The following VPS4B variants were observed in gnomAD, a reference collection of about 807,000 sequenced individuals.
VPS4B encodes the protein vacuolar protein sorting 4 homolog B, also known as vacuolar protein sorting-associated protein 4B.
A neutral mutation model predicts 56.1 loss-of-function variants in VPS4B; 23 were observed. That is an observed-to-expected ratio of 0.41 (90% CI 0.30 to 0.58). The LOEUF (loss-of-function observed/expected upper bound fraction) is 0.58, where lower values mean the gene tolerates loss of function less well. VPS4B is among the 20% of genes least tolerant of loss of function. The probability of loss-of-function intolerance (pLI) is 0.29; values close to 1 mark genes in which losing one functional copy is unlikely to be tolerated. For synonymous variants in VPS4B, 177 were observed against 186.0 expected (o/e 0.95, Z 0.39); for missense variants, 372 against 531.9 (o/e 0.70, Z 2.96).
rs1205652926 is a variant in VPS4B at position 63,389,562 on chromosome 18, G to T, written c.*1413C>A. 1 of 152,608 alleles carries T rather than the reference G, an allele frequency of 6.6e-6. No homozygotes were observed. The highest frequency in any genetic ancestry group is 2.4e-5 in the African/African-American group (1 of 41,454). The allele number at this position is 152,608 out of a possible 1,614,324, so 9.5% of individuals were successfully genotyped here. A position where few individuals can be genotyped will look rare whatever the true frequency, so the allele number is the denominator to read the frequency against. ...CTACAAGGCACAACTCAGCGTTGAT[G>T]CTAAAGTATGAAACACATCCTCAGA... is the stretch of plus-strand genomic sequence containing the variant. On this transcript the variant is annotated 3_prime_UTR_variant, in exon 11 of 11. Coordinates refer to ENST00000238497, the MANE Select transcript of VPS4B (RefSeq NM_004869.4).
At chr18:63,418,816 C>T (rs889447988) in intron 1 of VPS4B, among the ~76,000 whole-genome samples, 3 of 152,106 alleles carry the variant, frequency 2.0e-5, no homozygotes, top group African/African-American at 7.2e-5. Context: ...GTAAACTCTC[C>T]AGGATGTGAC....
intron 1 of VPS4B, 91 bp downstream of exon 1, chr18:63,422,132 ACAGGCGCGGC>A (rs2144445855): frequency 1.6e-6 from 2 of 1,288,278 alleles, no homozygotes; most frequent in South Asian, 3.5e-5. Context: ...CGCCTCGACC[ACAGGCGCGGC>A]CGCTTCCTCC....
chr18:63,397,218 G>A lies in VPS4B; in HGVS notation c.908C>T (p.Pro303Leu), dbSNP rs761335205. ...TTTAAACATTGCTGCTCGGGCATGG[G>A]GTTCCGGCAAGGGAATATAAATTCG... ...EKRIYIPLPE[P>L]HARAAMFKLH... The change falls in exon 9 of 11, where the codon CCC (proline) becomes CTC (leucine). Residue 303 changes from proline to leucine, a missense_variant. Pro to Leu is a moderately conservative substitution (Grantham distance 98). This residue lies in a region of VPS4B where 153 missense variants were observed against 190.9 expected (regional missense o/e 0.80). Transcript: ENST00000238497. 3 of 1,612,392 alleles carry A rather than the reference G, an allele frequency of 1.9e-6. No individual in the cohort carries two copies. The highest frequency in any genetic ancestry group is 2.5e-6 in the Non-Finnish European group (3 of 1,179,274).
Position 63,390,729 on chromosome 18 carries a change from C to T in VPS4B, c.*246G>A, listed in dbSNP as rs1307006313. 4.4e-6 allele frequency: 1 copy of T among 224,770 alleles called. No individual in the cohort carries two copies. The highest frequency in any genetic ancestry group is 2.3e-5 in the African/African-American group (1 of 43,950). 13.9% of individuals were successfully genotyped at this position (224,770 alleles called of 1,614,324 possible). On this transcript the variant is annotated 3_prime_UTR_variant, in exon 11 of 11. Coordinates refer to ENST00000238497, the MANE Select transcript of VPS4B (RefSeq NM_004869.4). ...TGACATCCTTTTTACTGGGTAATTT[C>T]TGTTTTTATGCCGTTCATATATCGC... is the stretch of plus-strand genomic sequence containing the variant.
intron 3 of VPS4B, among the ~76,000 whole-genome samples, chr18:63,408,545 T>C (rs1915966416): frequency 1.3e-5 from 2 of 152,066 alleles, no homozygotes; most frequent in Non-Finnish European, 2.9e-5. Flanking sequence ...TCCAAGAAGG[T>C]GGGGGCTGCT....
At chr18:63,393,343 T>C (rs570202745) in intron 10 of VPS4B, 66 bp downstream of exon 10, 3 of 1,412,350 alleles carry the variant, frequency 2.1e-6, no homozygotes, top group East Asian at 5.4e-5. Context: ...GCAAATCTTA[T>C]ATAACTGAAA....
Position 63,391,049 on chromosome 18 carries a change from T to A in VPS4B, c.1261A>T (p.Thr421Ser). The A allele has an allele frequency of 1.9e-6, 3 of 1,613,518 alleles. No homozygotes were observed. Among genetic ancestry groups the A allele is most frequent in the Non-Finnish European group, 2.5e-6 (3 of 1,179,626 alleles). ...MSDMLRSLSN[T>S]KPTVNEHDLL... The stretch of plus-strand genomic sequence containing the variant: ...TCATGTTCATTGACTGTAGGTTTTG[T>A]GTTAGATAGTGACCGCAACATATCC... The change falls in exon 11 of 11, where the codon ACA (threonine) becomes TCA (serine). Residue 421 changes from threonine to serine, a missense_variant. This residue lies in a region of VPS4B where 153 missense variants were observed against 190.9 expected (regional missense o/e 0.80). Coordinates refer to ENST00000238497, the MANE Select transcript of VPS4B (RefSeq NM_004869.4).
At chr18:63,418,457 TGGA>T (rs1916220253) in intron 1 of VPS4B, among the ~76,000 whole-genome samples, 1 of 152,066 alleles carries the variant, frequency 6.6e-6, no homozygotes, top group Non-Finnish European at 1.5e-5. Flanking sequence ...TCACCCAGGC[TGGA>T]GTACACGGGT....
At chr18:63,411,398 T>A in intron 2 of VPS4B, 69 bp downstream of exon 2, 1 of 1,177,484 alleles carries the variant, frequency 8.5e-7, no homozygotes, top group Non-Finnish European at 1.1e-6. Context: ...ATATTTCAAT[T>A]TTTTAGAAAT....
At chr18:63,396,023 A>T (rs1915660910) in intron 9 of VPS4B, among the ~76,000 whole-genome samples, 1 of 152,214 alleles carries the variant, frequency 6.6e-6, no homozygotes, top group Non-Finnish European at 1.5e-5. Flanking sequence ...AAATAGTAAG[A>T]TAAAAGACAG....
chr18:63,404,540 TC>T (rs1915877621), intron 4 of VPS4B: 1 of 152,234 alleles, frequency 6.6e-6, no homozygotes, highest in African/African-American at 2.4e-5. Flanking sequence ...TGCAGTATAT[TC>T]AAAAGCCAAA....
intron 2 of VPS4B, among the ~76,000 whole-genome samples, 190 bp from the exon 3 acceptor site, chr18:63,410,636 A>G (rs1471421948): frequency 7.2e-5 from 11 of 152,256 alleles, no homozygotes; most frequent in Non-Finnish European, 1.5e-4. Flanking sequence ...GTTGGAGACC[A>G]ACAGTGGGTC....
At chr18:63,408,804 G>C (rs1011883897) in intron 3 of VPS4B, among the ~76,000 whole-genome samples, 1 of 152,160 alleles carries the variant, frequency 6.6e-6, no homozygotes, top group Admixed American at 6.5e-5. Flanking sequence ...TACTGTAAAC[G>C]AAGATTGCTG....
At chr18:63,418,849 TACC>T (rs1277618270) in intron 1 of VPS4B, among the ~76,000 whole-genome samples, 1 of 152,216 alleles carries the variant, frequency 6.6e-6, no homozygotes, top group Non-Finnish European at 1.5e-5. Flanking sequence ...CAACCTCTGC[TACC>T]ACCTGTACGC....
intron 4 of VPS4B, among the ~76,000 whole-genome samples, chr18:63,406,178 C>T (rs1285954410): frequency 6.6e-6 from 1 of 152,218 alleles, no homozygotes; most frequent in Admixed American, 6.5e-5. Context: ...TAAATGCCAA[C>T]TGAGTGCGCA....
chr18:63,400,488 G>A, intron 6 of VPS4B, 59 bp downstream of exon 6: 1 of 1,501,140 alleles, frequency 6.7e-7, no homozygotes, highest in Non-Finnish European at 9.0e-7. Flanking sequence ...AATCTATTAA[G>A]GAGTGATACA....
In VPS4B at chr18:63,403,890, T is replaced by C. The variant is rs1182692826; in HGVS notation, c.365-64A>G. 2.6e-6 allele frequency: 4 copies of C among 1,526,176 alleles called. No homozygotes were observed. In the East Asian group the frequency reaches 6.9e-5, roughly 26 times the overall value. The allele number at this position is 1,526,176 out of a possible 1,614,324, so 94.5% of individuals were successfully genotyped here. A position where few individuals can be genotyped will look rare whatever the true frequency, so the allele number is the denominator to read the frequency against. On this transcript the variant is annotated intron_variant, in intron 4 of 10. Transcript: ENST00000238497. ...ATTTCACCAAAGTTAGAAGACAACA[T>C]GAAATAATGATGTTAAAGAAACGCA... is the stretch of plus-strand genomic sequence containing the variant.
At chr18:63,419,301 C>A (rs953659342) in intron 1 of VPS4B, among the ~76,000 whole-genome samples, 2 of 152,200 alleles carry the variant, frequency 1.3e-5, no homozygotes, top group Admixed American at 1.3e-4. Flanking sequence ...GTAATCCCAG[C>A]TGCTACATGG....
chr18:63,420,566 T>A (rs1324355205), intron 1 of VPS4B, among the ~76,000 whole-genome samples: 3 of 152,122 alleles, frequency 2.0e-5, no homozygotes, highest in Non-Finnish European at 1.5e-5. Flanking sequence ...AAGCCAACGA[T>A]GACAAGATGG....
Sources: allele counts gnomAD v4.1 joint callset (sites outside exome capture counted in the v4.1 genomes callset), GRCh38; gene constraint gnomAD v4.1.1; regional missense constraint gnomAD v4.1.1; transcripts MANE v1.5; gene names NCBI Gene and HGNC (gene_info 2026-07-23, HGNC 2026-07-21).